SKI: variants seen among roughly 807,000 people sequenced by gnomAD.
The protein encoded by SKI is SKI proto-oncogene, also known as ski oncogene.
SKI carries 23 observed loss-of-function variants against 59.3 expected under a neutral mutation model. That is an observed-to-expected ratio of 0.39 (90% CI 0.28 to 0.55). The LOEUF is 0.55. Among genes scored for constraint, SKI ranks in the 20% least tolerant of loss-of-function variants. The probability of loss-of-function intolerance (pLI) is 0.67; values close to 1 mark genes in which losing one functional copy is unlikely to be tolerated. For synonymous variants in SKI, 673 were observed against 488.6 expected (o/e 1.38, Z -4.98); for missense variants, 1,017 against 1,038.9 (o/e 0.98, Z 0.29).
In SKI at chr1:2,228,734, G is replaced by C. The variant is rs1001875843; in HGVS notation, c.-33G>C. On this transcript the variant is annotated 5_prime_UTR_variant, in exon 1 of 7. Transcript: ENST00000378536. ...GGGCCGGGGGGGCCCGGGCGCGCGG[G>C]AGCGGGAGCGGCCGGGGGAGCCGGA... 1 of 1,059,526 alleles carries C rather than the reference G, an allele frequency of 9.4e-7. No individual in the cohort carries two copies. The highest frequency in any genetic ancestry group is 1.7e-5 in the African/African-American group (1 of 58,134). 65.6% of individuals were successfully genotyped at this position (1,059,526 alleles called of 1,614,324 possible). A position where few individuals can be genotyped will look rare whatever the true frequency, so the allele number is the denominator to read the frequency against.
In SKI at chr1:2,253,999, C is replaced by T. The variant is rs973787286; in HGVS notation, c.969+24264C>T. ...ATGCCCATCCTGGCTGTGTGGACCA[C>T]GGCGGCAAGGGCCACGTGCCTGGTC... On this transcript the variant is annotated intron_variant, in intron 1 of 6. Transcript: ENST00000378536. Among the ~76,000 whole-genome samples, 6 of 152,242 alleles carry T rather than the reference C, an allele frequency of 3.9e-5. No individual in the cohort carries two copies. In the South Asian group the frequency reaches 8.3e-4, roughly 21 times the overall value.
At chr1:2,298,842 G>T (rs1640352480) in intron 1 of SKI, among the ~76,000 whole-genome samples, 1 of 152,234 alleles carries the variant, frequency 6.6e-6, no homozygotes, top group South Asian at 2.1e-4. Context: ...CAGCTTCCAG[G>T]CCGTGGGCTC....
At chr1:2,304,967 A>G (rs1640530250) in intron 5 of SKI, among the ~76,000 whole-genome samples, 1 of 152,240 alleles carries the variant, frequency 6.6e-6, no homozygotes, top group Non-Finnish European at 1.5e-5. Flanking sequence ...GCATGGAGAC[A>G]GTTCCTTGCT....
At chr1:2,294,666 C>A (rs1209560576) in intron 1 of SKI, among the ~76,000 whole-genome samples, 1 of 152,238 alleles carries the variant, frequency 6.6e-6, no homozygotes, top group African/African-American at 2.4e-5. Context: ...CCAGGGATGG[C>A]TATGCATGTT....
intron 6 of SKI, 56 bp from the exon 7 acceptor site, chr1:2,306,521 G>A: frequency 1.3e-6 from 2 of 1,506,240 alleles, no homozygotes; most frequent in South Asian, 1.2e-5. Context: ...GGGAAGCAGC[G>A]TCGGGCCGGG....
intron 1 of SKI, among the ~76,000 whole-genome samples, chr1:2,296,455 G>T (rs1180502893): frequency 1.3e-5 from 2 of 152,224 alleles, no homozygotes; most frequent in Non-Finnish European, 2.9e-5. Context: ...TCTCCCTGCG[G>T]TGTGATTGCG....
chr1:2,302,497 G>T (rs1197354684), intron 1 of SKI, among the ~76,000 whole-genome samples: 3 of 152,120 alleles, frequency 2.0e-5, no homozygotes, highest in Non-Finnish European at 4.4e-5. Context: ...CTTCCCAGAC[G>T]CATCCGTCGT....
chr1:2,246,855 G>GC (rs548738790), intron 1 of SKI, among the ~76,000 whole-genome samples: 2 of 120,432 alleles, frequency 1.7e-5, no homozygotes, highest in South Asian at 3.7e-4. Context: ...GAACCTGATG[G>GC]GGGGGGCCTC....
Position 2,276,862 on chromosome 1 carries a change from G to C in SKI, c.970-26116G>C, listed in dbSNP as rs371566066. 1.6e-4 allele frequency among the ~76,000 whole-genome samples: 25 copies of C among 152,310 alleles called. 1 individual carries two copies. Among genetic ancestry groups the C allele is most frequent in the South Asian group, 1.0e-3 (5 of 4,826 alleles). ...CATGTTCAGGAACGCCTCTGTTGAGGTTTTTCTCTTTGGTTCTGGAATTCC... is the reference window on the plus strand; with the variant it reads ...CATGTTCAGGAACGCCTCTGTTGAGCTTTTTCTCTTTGGTTCTGGAATTCC... On this transcript the variant is annotated intron_variant, in intron 1 of 6. Transcript: ENST00000378536.
At chr1:2,275,305 A>G (rs1639716888) in intron 1 of SKI, among the ~76,000 whole-genome samples, 2 of 152,124 alleles carry the variant, frequency 1.3e-5, no homozygotes. Context: ...TCTTGTAGTC[A>G]CTGAGTTCGA....
intron 1 of SKI, among the ~76,000 whole-genome samples, chr1:2,234,565 C>T (rs998538307): frequency 6.6e-6 from 1 of 152,188 alleles, no homozygotes; most frequent in African/African-American, 2.4e-5. Context: ...GGGGCCACAG[C>T]CCCAGCTTAG....
chr1:2,256,879 C>G (rs990157777), intron 1 of SKI, among the ~76,000 whole-genome samples: 1 of 152,170 alleles, frequency 6.6e-6, no homozygotes, highest in African/African-American at 2.4e-5. Context: ...CCTATTGGGC[C>G]CTTGTCAGGT....
rs1465501876 is a variant in SKI at position 2,228,727 on chromosome 1, C to T, written c.-40C>T. The T allele has an allele frequency of 2.0e-5, 21 of 1,027,250 alleles. No individual in the cohort carries two copies. Among genetic ancestry groups the T allele is most frequent in the Non-Finnish European group, 2.4e-5 (21 of 858,704 alleles). The allele number at this position is 1,027,250 out of a possible 1,614,324, so 63.6% of individuals were successfully genotyped here. ...GCGGCGGGGGCCGGGGGGGCCCGGG[C>T]GCGCGGGAGCGGGAGCGGCCGGGGG... On this transcript the variant is annotated 5_prime_UTR_variant, in exon 1 of 7. Coordinates refer to ENST00000378536, the MANE Select transcript of SKI (RefSeq NM_003036.4).
chr1:2,260,540 T>TC (rs1553194296), intron 1 of SKI, among the ~76,000 whole-genome samples: 4 of 127,486 alleles, frequency 3.1e-5, no homozygotes, highest in South Asian at 2.7e-4. Flanking sequence ...TTTTTCTTTT[T>TC]TTTTTTTTTT....
At chr1:2,262,383 C>G (rs533478492) in intron 1 of SKI, among the ~76,000 whole-genome samples, 1 of 148,546 alleles carries the variant, frequency 6.7e-6, no homozygotes, top group Admixed American at 6.7e-5. Context: ...GGAGTGGACA[C>G]CCTCGCTCCT....
At chr1:2,255,404 T>C (rs1182345508) in intron 1 of SKI, among the ~76,000 whole-genome samples, 3 of 152,258 alleles carry the variant, frequency 2.0e-5, no homozygotes, top group Non-Finnish European at 4.4e-5. Flanking sequence ...CCCCATTTCT[T>C]ATCTGGAACA....
chr1:2,294,049 T>C (rs936744268), intron 1 of SKI, among the ~76,000 whole-genome samples: 1 of 152,148 alleles, frequency 6.6e-6, no homozygotes, highest in Non-Finnish European at 1.5e-5. Context: ...GGTGCTCATC[T>C]CATGTCAGAT....
At chr1:2,293,247 A>G (rs1640203435) in intron 1 of SKI, among the ~76,000 whole-genome samples, 1 of 151,920 alleles carries the variant, frequency 6.6e-6, no homozygotes, top group Non-Finnish European at 1.5e-5. Flanking sequence ...GGCGATCGGG[A>G]CTCACCATGT....
At chr1:2,232,209 C>T (rs1309795723) in intron 1 of SKI, among the ~76,000 whole-genome samples, 2 of 152,320 alleles carry the variant, frequency 1.3e-5, no homozygotes, top group Admixed American at 6.5e-5. Context: ...TTTGATCTGC[C>T]GAAGATGAGG....
Sources: gnomAD v4.1 joint callset for allele counts (sites outside exome capture counted in the v4.1 genomes callset) on GRCh38, gnomAD v4.1.1 for gene constraint, MANE v1.5 for transcripts, NCBI Gene and HGNC (gene_info 2026-07-23, HGNC 2026-07-21) for gene names.